The following UBAP2 variants were observed in gnomAD, a reference collection of about 807,000 sequenced individuals.
UBAP2 encodes the protein ubiquitin associated protein 2, also known as ubiquitin-associated protein 2.
UBAP2 carries 75 observed loss-of-function variants against 139.6 expected under a neutral mutation model. The ratio of observed to expected loss-of-function variants is 0.54; its 90% CI spans 0.45 to 0.65. The LOEUF (loss-of-function observed/expected upper bound fraction) is 0.65, where lower values mean the gene tolerates loss of function less well. UBAP2 is among the 30% of genes least tolerant of loss of function. The pLI, the probability that UBAP2 is intolerant of heterozygous loss-of-function variation, is 0.00. For synonymous variants in UBAP2, 526 were observed against 526.2 expected (o/e 1.00, Z 0.01); for missense variants, 1,368 against 1,369.6 (o/e 1.00, Z 0.02).
intron 8 of UBAP2, among the ~76,000 whole-genome samples, chr9:33,964,480 T>A (rs1405874049): frequency 1.3e-5 from 2 of 152,148 alleles, no homozygotes; most frequent in African/African-American, 2.4e-5. Flanking sequence ...GCTTCAACAC[T>A]TGCACAACAT....
intron 1 of UBAP2, among the ~76,000 whole-genome samples, chr9:34,041,714 A>G (rs747453377): frequency 6.6e-6 from 1 of 152,148 alleles, no homozygotes; most frequent in African/African-American, 2.4e-5. Context: ...TTATAAAACA[A>G]AACAAAGAAA....
chr9:33,926,767 C>A, intron 21 of UBAP2, 103 bp from the exon 22 acceptor site: 1 of 1,242,180 alleles, frequency 8.1e-7, no homozygotes, highest in Non-Finnish European at 1.2e-6. Flanking sequence ...TCTAACACAC[C>A]CGGGAATGGG....
intron 18 of UBAP2, among the ~76,000 whole-genome samples, chr9:33,933,001 T>C (rs961042960): frequency 6.6e-6 from 1 of 152,194 alleles, no homozygotes; most frequent in Non-Finnish European, 1.5e-5. Flanking sequence ...TCAAATCCAC[T>C]TTTGCTCCTA....
Position 33,989,056 on chromosome 9 carries a change from C to T in UBAP2, c.359G>A (p.Arg120Lys), listed in dbSNP as rs773412537. ...AKENSENKEN[R>K]EKKSEKESSR... is the part of the protein sequence containing the mutation. ...CGATTCTTTCTCGCTTTTCTTCTCTCTATTCTCTTTGTTTTCTGAATTTTC... is the reference window on the plus strand; with the variant it reads ...CGATTCTTTCTCGCTTTTCTTCTCTTTATTCTCTTTGTTTTCTGAATTTTC... Residue 120 changes from arginine to lysine, a missense_variant, in exon 5 of 29, where the codon AGA becomes AAA. Physicochemically the swap from Arg to Lys is conservative, Grantham distance 26. Coordinates refer to ENST00000379238, the MANE Select transcript of UBAP2 (RefSeq NM_001370062.2). The T allele has an allele frequency of 2.5e-6, 4 of 1,614,028 alleles. No homozygotes were observed. Among genetic ancestry groups the T allele is most frequent in the South Asian group, 1.1e-5 (1 of 91,060 alleles).
intron 2 of UBAP2, among the ~76,000 whole-genome samples, chr9:34,002,103 C>A (rs1477548388): frequency 1.3e-5 from 2 of 151,922 alleles, no homozygotes; most frequent in African/African-American, 2.4e-5. Flanking sequence ...ATGGCAGCCA[C>A]CATGCCTGGC....
intron 1 of UBAP2, among the ~76,000 whole-genome samples, chr9:34,026,389 T>C (rs1825403253): frequency 6.6e-6 from 1 of 152,112 alleles, no homozygotes; most frequent in Non-Finnish European, 1.5e-5. Flanking sequence ...TCAAACCAAA[T>C]ATAATTCAGA....
chr9:34,008,935 A>AG (rs1375750060), intron 2 of UBAP2, among the ~76,000 whole-genome samples: 1 of 130,484 alleles, frequency 7.7e-6, no homozygotes, highest in East Asian at 2.6e-4. Context: ...ACTGCACTCC[A>AG]GCCTGGCGAC....
intron 1 of UBAP2, among the ~76,000 whole-genome samples, chr9:34,022,601 G>C (rs997108964): frequency 6.6e-6 from 1 of 151,412 alleles, no homozygotes; most frequent in Admixed American, 6.6e-5. Context: ...GTGCCCAGCC[G>C]ATTTTTTTTG....
chr9:33,971,711 C>T lies in UBAP2; in HGVS notation c.619G>A (p.Val207Met). ...CAAACTACTAGCTTTGTCCCACACA[C>T]ATCTGTAGATGTAGAATCTGAATAG... ...ADYSDSTSTD[V>M]CGTKLVVWEA... is the part of the protein sequence containing the mutation. Residue 207 changes from valine to methionine, a missense_variant, in exon 8 of 29, where the codon GTG becomes ATG. Transcript: ENST00000379238. 6.2e-7 allele frequency: 1 copy of T among 1,612,748 alleles called. No individual in the cohort carries two copies. The highest frequency in any genetic ancestry group is 8.5e-7 in the Non-Finnish European group (1 of 1,178,698).
At chr9:34,016,700 C>T (rs1017613085) in intron 2 of UBAP2, among the ~76,000 whole-genome samples, 1 of 151,554 alleles carries the variant, frequency 6.6e-6, no homozygotes, top group Non-Finnish European at 1.5e-5. Flanking sequence ...GGATTACAGG[C>T]GCACACCACC....
At chr9:33,949,047 G>A (rs894942550) in intron 12 of UBAP2, 4 of 159,514 alleles carry the variant, frequency 2.5e-5, no homozygotes, top group African/African-American at 9.6e-5. Flanking sequence ...GGCGCTTGTA[G>A]TCCCAGCTAC....
chr9:33,967,162 G>A (rs1372372115), intron 8 of UBAP2, among the ~76,000 whole-genome samples: 1 of 151,874 alleles, frequency 6.6e-6, no homozygotes, highest in Non-Finnish European at 1.5e-5. Context: ...TCCATTTTCT[G>A]TTTGTTGATG....
rs35781362 is a variant in UBAP2, at chr9:33,922,807, A to G, written c.3144T>C (p.Thr1048=). 1.3e-6 allele frequency: 2 copies of G among 1,567,754 alleles called. No individual in the cohort carries two copies. The highest frequency in any genetic ancestry group is 1.4e-5 in the African/African-American group (1 of 73,614). ...GGGCCGCTCCCGAGGCCAGGGGCCC[A>G]GTGGAGCCCAAGACCGAGGGCAGGC... ...PFSLPSVLGS[T]GPLASGAAPG... Residue 1048 remains threonine, a synonymous_variant, in exon 28 of 29, where the codon ACT becomes ACC. Coordinates refer to ENST00000379238, the MANE Select transcript of UBAP2 (RefSeq NM_001370062.2).
chr9:34,046,786 A>C (rs1827640068), intron 1 of UBAP2, among the ~76,000 whole-genome samples: 1 of 152,184 alleles, frequency 6.6e-6, no homozygotes. Context: ...ATACAAGTAC[A>C]TATTGAAATA....
chr9:33,988,915 CGGGA>C, intron 5 of UBAP2, 54 bp downstream of exon 5: 2 of 1,549,064 alleles, frequency 1.3e-6, no homozygotes. Context: ...GAGGCTGAGG[CGGGA>C]GGGTCACTTG....
At chr9:34,028,396 T>TTTATTTATTTA (rs1285953044) in intron 1 of UBAP2, among the ~76,000 whole-genome samples, 5 of 54,074 alleles carry the variant, frequency 9.2e-5, no homozygotes, top group African/African-American at 2.1e-4. Context: ...TTATTTATTT[T>TTTATTTATTTA]GAGATGGAGT....
chr9:33,953,162 C>A (rs1826247601), intron 12 of UBAP2, 123 bp downstream of exon 12: 1 of 991,564 alleles, frequency 1.0e-6, no homozygotes, highest in Non-Finnish European at 1.4e-6. Flanking sequence ...AGCCATCATG[C>A]CCGGCCTTAC....
intron 5 of UBAP2, 77 bp from the exon 6 acceptor site, chr9:33,986,914 A>C: frequency 8.1e-7 from 1 of 1,241,924 alleles, no homozygotes; most frequent in Non-Finnish European, 1.2e-6. Flanking sequence ...CACCTATTAA[A>C]GGCAAAGAAG....
rs566435971 is a variant in UBAP2, at chr9:33,958,413, C to A, written c.799-2267G>T. On this transcript the variant is annotated intron_variant, in intron 10 of 28. Transcript: ENST00000379238. ...TAATAAAACACTGAATGGTTCCCCACCCCCTTTTTTTTTTGAGATGGAGTT... is the reference window on the plus strand; with the variant it reads ...TAATAAAACACTGAATGGTTCCCCAACCCCTTTTTTTTTTGAGATGGAGTT... Among the ~76,000 whole-genome samples the A allele has an allele frequency of 7.8e-5, 10 of 127,756 alleles. No homozygotes were observed. In the South Asian group the frequency reaches 1.4e-3, roughly 18 times the overall value. The allele number at this position is 127,756 out of a possible 152,430, so 83.8% of individuals were successfully genotyped here. A position where few individuals can be genotyped will look rare whatever the true frequency, so the allele number is the denominator to read the frequency against.
Sources: allele counts gnomAD v4.1 joint callset (sites outside exome capture counted in the v4.1 genomes callset), GRCh38; gene constraint gnomAD v4.1.1; transcripts MANE v1.5; gene names NCBI Gene and HGNC (gene_info 2026-07-23, HGNC 2026-07-21).